The following SBF2 variants were observed in gnomAD, a reference collection of about 807,000 sequenced individuals.
SBF2 encodes myotubularin-related protein 13.
SBF2 carries 112 observed loss-of-function variants against 225.2 expected under a neutral mutation model. The observed-to-expected ratio is 0.50, with a 90% CI of 0.43 to 0.58. The LOEUF (loss-of-function observed/expected upper bound fraction) is 0.58, where lower values mean the gene tolerates loss of function less well. Among genes scored for constraint, SBF2 ranks in the 20% least tolerant of loss-of-function variants. The probability of loss-of-function intolerance (pLI) is 0.00; values close to 1 mark genes in which losing one functional copy is unlikely to be tolerated. For missense variants in SBF2, 1,996 were observed against 2,206.2 expected (o/e 0.90, Z 1.91); for synonymous variants, 763 against 773.3 (o/e 0.99, Z 0.22).
rs1953757092 is a variant in SBF2 at position 10,126,372 on chromosome 11, C to G, written c.141+67530G>C. Among the ~76,000 whole-genome samples the G allele has an allele frequency of 2.0e-5, 3 of 151,880 alleles. No individual in the cohort carries two copies. The East Asian group carries it at 5.8e-4, about 29-fold the overall frequency. ...TTTTGGTTTTCTAATTTACTGTCAC[C>G]GTTGAACTCTATTATGTATCAAAGG... is the stretch of plus-strand genomic sequence containing the variant. On this transcript the variant is annotated intron_variant, in intron 2 of 39. Transcript: ENST00000256190.
intron 1 of SBF2, among the ~76,000 whole-genome samples, chr11:10,244,907 G>A (rs997261031): frequency 4.0e-5 from 6 of 151,838 alleles, no homozygotes; most frequent in African/African-American, 1.5e-4. Flanking sequence ...AGGCCAAGGG[G>A]GGTGGATCAC....
intron 17 of SBF2, among the ~76,000 whole-genome samples, chr11:9,874,334 G>A (rs896299632): frequency 1.3e-5 from 2 of 151,946 alleles, no homozygotes; most frequent in Non-Finnish European, 2.9e-5. Context: ...CTGAATTACA[G>A]TTTTATAGTA....
intron 2 of SBF2, among the ~76,000 whole-genome samples, chr11:10,151,634 A>G (rs1955198146): frequency 6.6e-6 from 1 of 152,244 alleles, no homozygotes; most frequent in African/African-American, 2.4e-5. Context: ...TACTACAATA[A>G]GAAACTTTTA....
At chr11:9,819,224 A>T (rs1346488398) in intron 28 of SBF2, 2 of 152,218 alleles carry the variant, frequency 1.3e-5, no homozygotes, top group African/African-American at 2.4e-5. Context: ...CACATAATAC[A>T]GTACCTTGAT....
At chr11:9,980,288 TTA>T (rs1491166190) in intron 13 of SBF2, among the ~76,000 whole-genome samples, 5 of 96,994 alleles carry the variant, frequency 5.2e-5, no homozygotes, top group African/African-American at 2.3e-4. Context: ...CCTCTTGTAA[TTA>T]AAAAAAAAAA....
chr11:9,839,466 G>A, intron 26 of SBF2, 32 bp downstream of exon 26: 1 of 1,596,522 alleles, frequency 6.3e-7, no homozygotes, highest in Non-Finnish European at 8.6e-7. Flanking sequence ...AAGGAAGGAA[G>A]ACCTCTTTTT....
chr11:10,197,060 T>C (rs2135342023), intron 1 of SBF2, among the ~76,000 whole-genome samples: 1 of 152,160 alleles, frequency 6.6e-6, no homozygotes, highest in Non-Finnish European at 1.5e-5. Context: ...GAAAAAATAC[T>C]CTTTTCCAGA....
intron 17 of SBF2, among the ~76,000 whole-genome samples, chr11:9,872,629 A>G (rs182900257): frequency 6.6e-6 from 1 of 152,328 alleles, no homozygotes; most frequent in Admixed American, 6.5e-5. Flanking sequence ...ATCTACAAGA[A>G]TGGCTAAAAT....
rs145768572 is a variant in SBF2 at position 10,188,433 on chromosome 11, T to A, written c.141+5469A>T. 4.3e-4 allele frequency among the ~76,000 whole-genome samples: 65 copies of A among 152,242 alleles called. No homozygotes were observed. The East Asian group carries it at 6.0e-3, about 14-fold the overall frequency. ...GTAGCTCTACATCTTCCTCAGGAAG[T>A]TCTCTTTGGTCTTAAAGCATCAGGT... On this transcript the variant is annotated intron_variant, in intron 2 of 39. Coordinates refer to ENST00000256190, the MANE Select transcript of SBF2 (RefSeq NM_030962.4).
rs1024546271 is a variant in SBF2, at chr11:9,779,293, T to C, written c.*1125A>G. 1 of 152,666 alleles carries C rather than the reference T, an allele frequency of 6.6e-6. No individual in the cohort carries two copies. The highest frequency in any genetic ancestry group is 2.4e-5 in the African/African-American group (1 of 41,464). 9.5% of individuals were successfully genotyped at this position (152,666 alleles called of 1,614,324 possible). On this transcript the variant is annotated 3_prime_UTR_variant, in exon 40 of 40. Coordinates refer to ENST00000256190, the MANE Select transcript of SBF2 (RefSeq NM_030962.4). Reference sequence around the variant, plus strand: ...AAATATTAGTTTAGTATTTAACATATTAACATTTCAAAACAAATGCAATGA... The same window carrying C: ...AAATATTAGTTTAGTATTTAACATACTAACATTTCAAAACAAATGCAATGA...
chr11:10,069,956 T>A, intron 2 of SBF2, among the ~76,000 whole-genome samples: 1 of 152,274 alleles, frequency 6.6e-6, no homozygotes, highest in Non-Finnish European at 1.5e-5. Context: ...CATAAATGTC[T>A]TCTTTTGAGA....
chr11:9,934,294 T>G (rs1239456246), intron 16 of SBF2, among the ~76,000 whole-genome samples: 1 of 152,024 alleles, frequency 6.6e-6, no homozygotes, highest in Non-Finnish European at 1.5e-5. Context: ...AGTAACAGGC[T>G]CTGAAATTGA....
intron 16 of SBF2, among the ~76,000 whole-genome samples, chr11:9,935,124 C>T (rs889262685): frequency 6.6e-6 from 1 of 152,098 alleles, no homozygotes; most frequent in African/African-American, 2.4e-5. Context: ...GATACAAAAT[C>T]GATGCGCAAA....
intron 17 of SBF2, among the ~76,000 whole-genome samples, chr11:9,885,111 C>CG (rs1245251020): frequency 6.6e-6 from 1 of 151,546 alleles, no homozygotes; most frequent in Non-Finnish European, 1.5e-5. Context: ...ATTAGCTGAG[C>CG]GTGGTGGTAG....
chr11:10,103,628 A>C (rs533045366), intron 2 of SBF2, among the ~76,000 whole-genome samples: 6 of 152,232 alleles, frequency 3.9e-5, no homozygotes, highest in Admixed American at 6.5e-5. Context: ...TTTTATAATC[A>C]GCTGTAAAAC....
intron 22 of SBF2, among the ~76,000 whole-genome samples, chr11:9,848,411 T>C (rs1856703069): frequency 6.6e-6 from 1 of 152,218 alleles, no homozygotes; most frequent in Non-Finnish European, 1.5e-5. Flanking sequence ...AAAATAATTT[T>C]CCTAAGTGAA....
chr11:9,992,916 G>A lies in SBF2; in HGVS notation c.1167+74C>T, dbSNP rs78399419. Reference sequence around the variant, plus strand: ...AAATCAAGGTCAAAATAAATGGCTCGGAAAAAAAACCAAGTAGTTTTATTA... The same window carrying A: ...AAATCAAGGTCAAAATAAATGGCTCAGAAAAAAAACCAAGTAGTTTTATTA... On this transcript the variant is annotated intron_variant, in intron 11 of 39. Transcript: ENST00000256190. 64,828 of 1,091,860 alleles carry A rather than the reference G, an allele frequency of 0.059. 2,340 individuals carry two copies. Among genetic ancestry groups the A allele is most frequent in the Non-Finnish European group, 0.072 (53,463 of 742,646 alleles). The allele number at this position is 1,091,860 out of a possible 1,614,324, so 67.6% of individuals were successfully genotyped here. A position where few individuals can be genotyped will look rare whatever the true frequency, so the allele number is the denominator to read the frequency against.
At chr11:10,142,269 T>C (rs1198836230) in intron 2 of SBF2, among the ~76,000 whole-genome samples, 1 of 152,224 alleles carries the variant, frequency 6.6e-6, no homozygotes, top group Non-Finnish European at 1.5e-5. Context: ...ATTTCCTTAA[T>C]TGCTAGAGAC....
At chr11:10,106,201 GT>G (rs562312809) in intron 2 of SBF2, among the ~76,000 whole-genome samples, 3 of 152,102 alleles carry the variant, frequency 2.0e-5, no homozygotes, top group Non-Finnish European at 2.9e-5. Flanking sequence ...TCCCTCTGTA[GT>G]TTTTAATAGG....
Sources: gnomAD v4.1 joint callset for allele counts (sites outside exome capture counted in the v4.1 genomes callset) on GRCh38, gnomAD v4.1.1 for gene constraint, MANE v1.5 for transcripts, NCBI Gene and HGNC (gene_info 2026-07-23, HGNC 2026-07-21) for gene names.